ADGRL2: variants seen among roughly 807,000 people sequenced by gnomAD.
ADGRL2 encodes adhesion G protein-coupled receptor L2, also known as calcium-independent alpha-latrotoxin receptor 2.
In ADGRL2, 44 loss-of-function variants were observed where a neutral mutation model predicts 157.4. The ratio of observed to expected loss-of-function variants is 0.28; its 90% CI spans 0.22 to 0.36. The LOEUF is 0.36. ADGRL2 is among the 10% of genes least tolerant of loss of function. ADGRL2 has a pLI of 1.00. For synonymous variants in ADGRL2, 585 were observed against 624.7 expected (o/e 0.94, Z 0.95); for missense variants, 1,510 against 1,768.9 (o/e 0.85, Z 2.63).
At chr1:81,670,663 AT>A (rs1557552844) in intron 3 of ADGRL2, among the ~76,000 whole-genome samples, 1 of 152,146 alleles carries the variant, frequency 6.6e-6, no homozygotes, top group Non-Finnish European at 1.5e-5. Context: ...TTACAAAAAA[AT>A]TTTTTTCCAA....
intron 4 of ADGRL2, among the ~76,000 whole-genome samples, chr1:81,939,572 T>C (rs1449920172): frequency 1.3e-5 from 2 of 151,384 alleles, no homozygotes; most frequent in Non-Finnish European, 3.0e-5. Context: ...ACATACAGAG[T>C]ATGTAGGCTG....
chr1:81,618,102 T>G (rs565247036), intron 3 of ADGRL2, among the ~76,000 whole-genome samples: 1 of 152,268 alleles, frequency 6.6e-6, no homozygotes, highest in Non-Finnish European at 1.5e-5. Context: ...TTTGTCTTTG[T>G]CTTTGCAGCC....
At chr1:81,977,644 T>G (rs776699013) in intron 17 of ADGRL2, among the ~76,000 whole-genome samples, 1 of 151,794 alleles carries the variant, frequency 6.6e-6, no homozygotes, top group Non-Finnish European at 1.5e-5. Flanking sequence ...TTTAGTTTCC[T>G]TATAAATTTT....
In ADGRL2 at chr1:81,406,518, G is replaced by A. The variant is rs113226457; in HGVS notation, c.-301-38518G>A. ...AACCCAGTTTTTTGCCACCCAAGAG[G>A]CTTAGGTAATACAGCTAGGGTCAGA... On this transcript the variant is annotated intron_variant, in intron 1 of 24. Coordinates refer to the ADGRL2 transcript ENST00000370721. Among the ~76,000 whole-genome samples, 170 of 152,246 alleles carry A rather than the reference G, an allele frequency of 1.1e-3. 1 individual carries two copies. Among genetic ancestry groups the A allele is most frequent in the African/African-American group, 3.9e-3 (161 of 41,538 alleles).
intron 2 of ADGRL2, chr1:81,503,562 G>A (rs2078902244): frequency 4.2e-6 from 6 of 1,420,952 alleles, no homozygotes; most frequent in Admixed American, 1.9e-5. Context: ...AGCCCACGTC[G>A]ACGAGCACCA....
intron 1 of ADGRL2, among the ~76,000 whole-genome samples, chr1:81,814,961 C>T (rs1297641598): frequency 6.6e-6 from 1 of 151,562 alleles, no homozygotes; most frequent in African/African-American, 2.4e-5. Flanking sequence ...AAAATAAACA[C>T]AACATCTAAG....
At chr1:81,390,416 A>G (rs975738085) in intron 1 of ADGRL2, among the ~76,000 whole-genome samples, 2 of 152,308 alleles carry the variant, frequency 1.3e-5, no homozygotes, top group South Asian at 4.1e-4. Context: ...AGCCATTGGT[A>G]TAACATATTG....
At chr1:81,769,161 A>G (rs565350192) in intron 2 of ADGRL2, among the ~76,000 whole-genome samples, 1 of 152,268 alleles carries the variant, frequency 6.6e-6, no homozygotes, top group Admixed American at 6.5e-5. Context: ...TATTTTTGTA[A>G]CAAATGTCTC....
At chr1:81,841,425 GA>G (rs977394425) in intron 2 of ADGRL2, among the ~76,000 whole-genome samples, 81 of 152,022 alleles carry the variant, frequency 5.3e-4, no homozygotes, top group African/African-American at 1.9e-3. Context: ...TTGGGTAGAA[GA>G]AAAAAAGGCA....
intron 2 of ADGRL2, chr1:81,514,897 A>T (rs2079146451): frequency 6.6e-6 from 1 of 152,234 alleles, no homozygotes; most frequent in South Asian, 2.1e-4. Flanking sequence ...GTACAAAGAC[A>T]CAGTATACTT....
intron 1 of ADGRL2, among the ~76,000 whole-genome samples, chr1:81,318,314 T>C (rs544448932): frequency 4.6e-5 from 7 of 152,346 alleles, no homozygotes; most frequent in African/African-American, 1.7e-4. Flanking sequence ...CTAAGAGTAA[T>C]ATTTATAACT....
In ADGRL2 at chr1:81,631,615, T is replaced by C. The variant is rs17106854; in HGVS notation, c.-143+50635T>C. 6.4e-3 allele frequency among the ~76,000 whole-genome samples: 975 copies of C among 152,306 alleles called. 24 individuals carry two copies. Among genetic ancestry groups the C allele is most frequent in the East Asian group, 0.049 (252 of 5,180 alleles). On this transcript the variant is annotated intron_variant, in intron 3 of 24. Transcript: ENST00000370721. ...TCCCATCACCAGATACTCTGACTTT[T>C]CTGGTATGAGGTGCAATGGATCATG...
At chr1:81,426,141 G>A (rs4272665) in intron 1 of ADGRL2, among the ~76,000 whole-genome samples, 134,317 of 152,248 alleles carry the variant, frequency 0.88, 59,515 homozygotes, top group Admixed American at 0.93. Flanking sequence ...TGAAGAATAG[G>A]CAGTCATGTA....
rs537627311 is a variant in ADGRL2 at position 81,583,560 on chromosome 1, T to A, written c.-143+2580T>A. 5.9e-5 allele frequency among the ~76,000 whole-genome samples: 9 copies of A among 152,298 alleles called. No individual in the cohort carries two copies. The East Asian group carries it at 1.7e-3, about 29-fold the overall frequency. ...TTGACTGCTTAAGATTTACGTTTAC[T>A]TATTTTACTCTTCACGTTGGTTGCA... On this transcript the variant is annotated intron_variant, in intron 3 of 24. Transcript: ENST00000370721.
intron 1 of ADGRL2, chr1:81,735,155 T>TG (rs1282012601): frequency 6.8e-6 from 1 of 146,968 alleles, no homozygotes; most frequent in Non-Finnish European, 1.5e-5. Flanking sequence ...ATTGGAGTGA[T>TG]GCGTCTACAA....
chr1:81,736,544 A>G (rs1454554900), intron 1 of ADGRL2, among the ~76,000 whole-genome samples: 1 of 152,140 alleles, frequency 6.6e-6, no homozygotes, highest in Non-Finnish European at 1.5e-5. Context: ...CTGTAGTTTG[A>G]TGTTGGACAG....
chr1:81,375,632 A>G (rs2101015133), intron 1 of ADGRL2, among the ~76,000 whole-genome samples: 1 of 152,288 alleles, frequency 6.6e-6, no homozygotes, highest in South Asian at 2.1e-4. Context: ...AGGATTAGGG[A>G]ATTCTGAAGT....
intron 3 of ADGRL2, among the ~76,000 whole-genome samples, chr1:81,628,993 G>C (rs1386468005): frequency 6.6e-6 from 1 of 152,118 alleles, no homozygotes; most frequent in Non-Finnish European, 1.5e-5. Context: ...TTATTCCTAA[G>C]TCTCATTAGA....
chr1:81,903,848 T>TAC (rs2094537085), intron 2 of ADGRL2, among the ~76,000 whole-genome samples: 1 of 136,556 alleles, frequency 7.3e-6, no homozygotes, highest in African/African-American at 2.8e-5. Context: ...CACACACACA[T>TAC]ATTTGGTTGG....
Sources: allele counts gnomAD v4.1 joint callset (sites outside exome capture counted in the v4.1 genomes callset), GRCh38; gene constraint gnomAD v4.1.1; transcripts MANE v1.5; gene names NCBI Gene and HGNC (gene_info 2026-07-23, HGNC 2026-07-21).